Variants in PCCA observed in about 807,000 individuals in gnomAD.
The protein encoded by PCCA is propionyl-CoA carboxylase alpha chain, mitochondrial.
Under a neutral mutation model 101.3 loss-of-function variants are expected in PCCA, and 74 were observed. The ratio of observed to expected loss-of-function variants is 0.73; its 90% CI spans 0.61 to 0.89. The LOEUF (loss-of-function observed/expected upper bound fraction) is 0.89. Among genes scored for constraint, PCCA ranks in the 40% least tolerant of loss-of-function variants. The probability of loss-of-function intolerance (pLI) is 0.00; values close to 1 mark genes in which losing one functional copy is unlikely to be tolerated. For synonymous variants in PCCA, 294 were observed against 313.6 expected (o/e 0.94, Z 0.66); for missense variants, 891 against 907.0 (o/e 0.98, Z 0.23).
intron 14 of PCCA, among the ~76,000 whole-genome samples, chr13:100,306,843 G>C (rs1367159284): frequency 6.6e-6 from 1 of 152,242 alleles, no homozygotes; most frequent in Non-Finnish European, 1.5e-5. Context: ...GGGCTCAGAA[G>C]GGTCTGGCAG....
At chr13:100,200,568 G>A (rs1251751102) in intron 6 of PCCA, among the ~76,000 whole-genome samples, 3 of 150,936 alleles carry the variant, frequency 2.0e-5, no homozygotes, top group African/African-American at 7.3e-5. Flanking sequence ...ATATTAACAG[G>A]TTTTTAACAT....
At chr13:100,104,824 C>G (rs1017338239) in intron 2 of PCCA, among the ~76,000 whole-genome samples, 9 of 152,118 alleles carry the variant, frequency 5.9e-5, no homozygotes, top group African/African-American at 1.9e-4. Context: ...TTGCCTCAGC[C>G]TCCCGAGTAG....
intron 6 of PCCA, among the ~76,000 whole-genome samples, chr13:100,185,126 A>G (rs78274873): frequency 1.6e-3 from 238 of 152,346 alleles, no homozygotes; most frequent in Non-Finnish European, 2.8e-3. Flanking sequence ...TGTTCCCTTC[A>G]AATGATGCTC....
chr13:100,323,043 T>C (rs1263903363), intron 16 of PCCA, among the ~76,000 whole-genome samples: 4 of 152,252 alleles, frequency 2.6e-5, no homozygotes, highest in African/African-American at 9.6e-5. Flanking sequence ...TGCATATAGA[T>C]AGGTTTGCTC....
chr13:100,275,992 T>A (rs1289460705), intron 12 of PCCA, among the ~76,000 whole-genome samples: 1 of 152,116 alleles, frequency 6.6e-6, no homozygotes, highest in Non-Finnish European at 1.5e-5. Context: ...TTTCTGGTAG[T>A]TTCTTTTAGA....
In PCCA at chr13:100,340,259, G is replaced by A; in HGVS notation, c.1643G>A (p.Arg548Lys). ...LRAQHFQENS[R>K]MPVIKPDIAN... ...GCACAACATTTTCAAGAAAATTCAA[G>A]GTATGGTAGATCATTTAAAACAGAA... Residue 548 changes from arginine (R) to lysine (K), a missense_variant and splice_region_variant, in exon 18 of 24, where the codon AGA becomes AAA. Coordinates refer to ENST00000376285, the MANE Select transcript of PCCA (RefSeq NM_000282.4). The A allele has an allele frequency of 1.3e-6, 2 of 1,483,868 alleles. No homozygotes were observed. The highest frequency in any genetic ancestry group is 1.9e-6 in the Non-Finnish European group (2 of 1,061,370). The allele number at this position is 1,483,868 out of a possible 1,614,324, so 91.9% of individuals were successfully genotyped here.
chr13:100,405,953 GACAAGA>G (rs1331798827), intron 19 of PCCA, among the ~76,000 whole-genome samples: 1 of 151,940 alleles, frequency 6.6e-6, no homozygotes, highest in East Asian at 1.9e-4. Context: ...TTTTAGTAGA[GACAAGA>G]TTTCACCATG....
At chr13:100,508,913 A>G (rs948736307) in intron 21 of PCCA, among the ~76,000 whole-genome samples, 1 of 152,044 alleles carries the variant, frequency 6.6e-6, no homozygotes, top group Non-Finnish European at 1.5e-5. Flanking sequence ...ATTATTTAGC[A>G]TAATAACCTA....
chr13:100,375,298 A>G (rs559161575), intron 19 of PCCA, among the ~76,000 whole-genome samples: 16 of 152,244 alleles, frequency 1.1e-4, no homozygotes, highest in East Asian at 3.9e-4. Flanking sequence ...TAGGTGGTCA[A>G]TTTTTGAATA....
chr13:100,484,149 T>G (rs2084175202), intron 21 of PCCA, among the ~76,000 whole-genome samples: 1 of 152,210 alleles, frequency 6.6e-6, no homozygotes, highest in Admixed American at 6.5e-5. Context: ...GCCGCTTTCC[T>G]GCTATTCTTG....
chr13:100,509,250 C>T (rs900310290), intron 21 of PCCA, among the ~76,000 whole-genome samples: 10 of 152,198 alleles, frequency 6.6e-5, no homozygotes, highest in African/African-American at 2.4e-4. Context: ...TGACCCTATG[C>T]GTTTGTTCTC....
chr13:100,195,616 T>C (rs1037623981), intron 6 of PCCA, among the ~76,000 whole-genome samples: 3 of 152,214 alleles, frequency 2.0e-5, no homozygotes, highest in African/African-American at 7.2e-5. Flanking sequence ...TTGATTCTTG[T>C]CAGTGCAACC....
chr13:100,261,519 C>T (rs536071878), intron 9 of PCCA, among the ~76,000 whole-genome samples: 11 of 152,094 alleles, frequency 7.2e-5, no homozygotes, highest in African/African-American at 2.2e-4. Context: ...GCATGGGCCA[C>T]CACAACCAGC....
chr13:100,179,012 G>A (rs2056518371), intron 6 of PCCA, among the ~76,000 whole-genome samples: 1 of 150,994 alleles, frequency 6.6e-6, no homozygotes, highest in Non-Finnish European at 1.5e-5. Flanking sequence ...GGGAGGTGGA[G>A]CTTGCAGTGA....
chr13:100,527,340 T>C (rs1459026857), intron 22 of PCCA: 2 of 485,378 alleles, frequency 4.1e-6, no homozygotes, highest in South Asian at 3.1e-5. Context: ...TTCTGGACAT[T>C]TCAGGTAAGT....
At chr13:100,344,724 A>C (rs550465799) in intron 18 of PCCA, among the ~76,000 whole-genome samples, 2 of 152,102 alleles carry the variant, frequency 1.3e-5, no homozygotes, top group Non-Finnish European at 2.9e-5. Context: ...ACCTCATTTC[A>C]TTGTCCTTTG....
chr13:100,376,173 C>G (rs1421097853), intron 19 of PCCA, among the ~76,000 whole-genome samples: 1 of 152,212 alleles, frequency 6.6e-6, no homozygotes, highest in Non-Finnish European at 1.5e-5. Flanking sequence ...GTATCACTAG[C>G]AGAGGCTGCA....
intron 6 of PCCA, among the ~76,000 whole-genome samples, chr13:100,174,058 A>G (rs772933537): frequency 2.6e-5 from 4 of 152,222 alleles, no homozygotes; most frequent in African/African-American, 4.8e-5. Flanking sequence ...CTAATACATA[A>G]TGATTCCCTT....
intron 21 of PCCA, among the ~76,000 whole-genome samples, chr13:100,453,462 C>T (rs916943080): frequency 7.1e-6 from 1 of 140,972 alleles, no homozygotes; most frequent in Non-Finnish European, 1.5e-5. Flanking sequence ...ACATTGCAAC[C>T]ACTACACTCT....
Sources: gnomAD v4.1 joint callset for allele counts (sites outside exome capture counted in the v4.1 genomes callset) on GRCh38, gnomAD v4.1.1 for gene constraint, MANE v1.5 for transcripts, NCBI Gene and HGNC (gene_info 2026-07-23, HGNC 2026-07-21) for gene names.